Variants in RANBP17 observed in about 807,000 individuals in gnomAD.
The protein encoded by RANBP17 is ran-binding protein 17.
RANBP17 carries 158 observed loss-of-function variants against 141.2 expected under a neutral mutation model. The ratio of observed to expected loss-of-function variants is 1.12; its 90% CI spans 0.98 to 1.28. The LOEUF (loss-of-function observed/expected upper bound fraction) is 1.28, where lower values mean the gene tolerates loss of function less well. Ranked by LOEUF, RANBP17 falls within the 50% of genes most tolerant of loss-of-function variation. The pLI, the probability that RANBP17 is intolerant of heterozygous loss-of-function variation, is 0.00. For missense variants in RANBP17, 1,438 were observed against 1,290.7 expected (o/e 1.11, Z -1.75); for synonymous variants, 430 against 450.0 (o/e 0.96, Z 0.56).
rs183485117 is a variant in RANBP17, at chr5:171,291,372, C to T, written c.2944-2511C>T. Among the ~76,000 whole-genome samples the T allele has an allele frequency of 4.0e-3, 612 of 152,236 alleles. 5 individuals are homozygous for T. The highest frequency in any genetic ancestry group is 0.013 in the African/African-American group (536 of 41,550). On this transcript the variant is annotated intron_variant, in intron 25 of 27. Transcript: ENST00000523189. ...AATTTTATTTTATTTAGATATAGACCTCCAGAAGCTGGGCAGATTTGAAAC... is the reference window on the plus strand; with the variant it reads ...AATTTTATTTTATTTAGATATAGACTTCCAGAAGCTGGGCAGATTTGAAAC...
At chr5:171,282,112 A>C (rs1333107174) in intron 25 of RANBP17, among the ~76,000 whole-genome samples, 1 of 152,234 alleles carries the variant, frequency 6.6e-6, no homozygotes, top group East Asian at 1.9e-4. Flanking sequence ...GCATTTGATA[A>C]GTCTATAAAT....
intron 20 of RANBP17, chr5:171,206,529 A>G (rs1375933726): frequency 6.3e-6 from 1 of 158,822 alleles, no homozygotes; most frequent in Admixed American, 6.5e-5. Context: ...AAACCATCAG[A>G]GCATGTGAAA....
chr5:171,103,348 G>A (rs1189957538), intron 14 of RANBP17, among the ~76,000 whole-genome samples: 1 of 152,202 alleles, frequency 6.6e-6, no homozygotes. Context: ...ACTTTGCCTA[G>A]CTGCAGTGGA....
At chr5:170,974,900 G>T (rs1286995898) in intron 14 of RANBP17, among the ~76,000 whole-genome samples, 1 of 152,146 alleles carries the variant, frequency 6.6e-6, no homozygotes, top group Non-Finnish European at 1.5e-5. Context: ...GCAAGTGCTA[G>T]GGTCCTGTGA....
At chr5:171,062,477 G>C (rs1020391362) in intron 14 of RANBP17, among the ~76,000 whole-genome samples, 1 of 152,184 alleles carries the variant, frequency 6.6e-6, no homozygotes, top group African/African-American at 2.4e-5. Flanking sequence ...TAATATGGTT[G>C]AATATTGGCC....
chr5:170,976,215 A>G (rs563146713), intron 14 of RANBP17, among the ~76,000 whole-genome samples: 7 of 152,190 alleles, frequency 4.6e-5, no homozygotes, highest in Non-Finnish European at 8.8e-5. Context: ...AACAACCCAA[A>G]AACAAAAGGA....
intron 14 of RANBP17, among the ~76,000 whole-genome samples, chr5:170,999,691 T>C (rs1779068459): frequency 1.3e-5 from 2 of 152,218 alleles, no homozygotes. Context: ...TATAACCTAA[T>C]ACCTATTATT....
intron 14 of RANBP17, among the ~76,000 whole-genome samples, chr5:171,057,401 T>C (rs1171038530): frequency 6.6e-6 from 1 of 152,154 alleles, no homozygotes; most frequent in Non-Finnish European, 1.5e-5. Flanking sequence ...TAATTATGTT[T>C]ATATATGTGT....
At chr5:171,105,360 C>T (rs369089632) in intron 14 of RANBP17, among the ~76,000 whole-genome samples, 17 of 112,266 alleles carry the variant, frequency 1.5e-4, no homozygotes, top group African/African-American at 3.2e-4. Flanking sequence ...CCAGCCTGGG[C>T]GACAGAGCGA....
chr5:171,191,641 C>T (rs1052166465), intron 18 of RANBP17, among the ~76,000 whole-genome samples: 80 of 151,514 alleles, frequency 5.3e-4, no homozygotes, highest in Admixed American at 1.1e-3. Context: ...GAGCCGAGGT[C>T]GCGTCACTGC....
At chr5:170,879,932 A>G (rs1768523291) in intron 2 of RANBP17, among the ~76,000 whole-genome samples, 1 of 152,184 alleles carries the variant, frequency 6.6e-6, no homozygotes, top group South Asian at 2.1e-4. Context: ...TTAACTTACA[A>G]TAGATTCATA....
intron 24 of RANBP17, among the ~76,000 whole-genome samples, chr5:171,258,410 G>T (rs1367690296): frequency 6.6e-6 from 1 of 151,932 alleles, no homozygotes; most frequent in Non-Finnish European, 1.5e-5. Context: ...CCATAAAAGA[G>T]CCTGAATAGC....
chr5:171,197,571 C>T (rs186141149), intron 18 of RANBP17, among the ~76,000 whole-genome samples: 9 of 152,296 alleles, frequency 5.9e-5, no homozygotes, highest in Non-Finnish European at 1.2e-4. Context: ...ATACTATCAG[C>T]GTAAGCTAGT....
intron 14 of RANBP17, among the ~76,000 whole-genome samples, chr5:171,100,905 C>T (rs1183128456): frequency 1.3e-5 from 2 of 152,230 alleles, no homozygotes; most frequent in East Asian, 1.9e-4. Context: ...TGTAGTTGTG[C>T]AGTTTTGAGT....
intron 14 of RANBP17, among the ~76,000 whole-genome samples, chr5:170,987,035 G>A (rs1778188775): frequency 6.6e-6 from 1 of 151,716 alleles, no homozygotes; most frequent in African/African-American, 2.4e-5. Context: ...ACACAATTTG[G>A]GGGAAAAGTG....
At chr5:171,090,759 C>G (rs911480441) in intron 14 of RANBP17, among the ~76,000 whole-genome samples, 5 of 152,184 alleles carry the variant, frequency 3.3e-5, no homozygotes, top group African/African-American at 4.8e-5. Flanking sequence ...ATTAAAAGGG[C>G]CCAAGGTACA....
At chr5:171,030,618 A>C (rs1000049534) in intron 14 of RANBP17, among the ~76,000 whole-genome samples, 1 of 152,068 alleles carries the variant, frequency 6.6e-6, no homozygotes, top group Admixed American at 6.6e-5. Flanking sequence ...GTATGTGAAC[A>C]TATCCTAACC....
intron 21 of RANBP17, among the ~76,000 whole-genome samples, chr5:171,217,377 T>A (rs1311621328): frequency 6.6e-6 from 1 of 152,170 alleles, no homozygotes; most frequent in Non-Finnish European, 1.5e-5. Flanking sequence ...TTTTATTTTT[T>A]TGTTGTGTCT....
intron 24 of RANBP17, among the ~76,000 whole-genome samples, chr5:171,251,094 A>C (rs1765529458): frequency 6.6e-6 from 1 of 152,188 alleles, no homozygotes; most frequent in African/African-American, 2.4e-5. Context: ...GGTCTCAACA[A>C]AAATTTTTTT....
Sources: gnomAD v4.1 joint callset for allele counts (sites outside exome capture counted in the v4.1 genomes callset) on GRCh38, gnomAD v4.1.1 for gene constraint, MANE v1.5 for transcripts, NCBI Gene and HGNC (gene_info 2026-07-23, HGNC 2026-07-21) for gene names.